The following PAQR4 variants were observed in gnomAD, a reference collection of about 807,000 sequenced individuals.
PAQR4 encodes the protein progestin and adipoQ receptor family member 4, also known as progestin and adipoQ receptor family member IV.
PAQR4 carries 26 observed loss-of-function variants against 20.9 expected under a neutral mutation model. The ratio of observed to expected loss-of-function variants is 1.24; its 90% confidence interval spans 0.91 to 1.73. The LOEUF (loss-of-function observed/expected upper bound fraction) is 1.73. Ranked by LOEUF, PAQR4 falls within the 40% of genes most tolerant of loss-of-function variation. The pLI, the probability that PAQR4 is intolerant of heterozygous loss-of-function variation, is 0.00. For missense variants in PAQR4, 400 were observed against 380.1 expected, an observed-to-expected ratio of 1.05 and a Z score of -0.44; for synonymous variants, 193 against 171.6, an observed-to-expected ratio of 1.12 and a Z score of -0.97.
rs1306282261 is a variant in PAQR4 at position 2,972,726 on chromosome 16, C to A, written c.*778C>A. 6.5e-7 allele frequency: 1 copy of A among 1,536,400 alleles called. No individual in the cohort carries two copies. The highest frequency in any genetic ancestry group is 8.7e-7 in the Non-Finnish European group (1 of 1,146,844). ...AGGCCAGGAGCGCTGGGTTCTGCAGCAGGGCTCAGCCTCAGGGGCGTTAAG... is the reference window on the plus strand; with the variant it reads ...AGGCCAGGAGCGCTGGGTTCTGCAGAAGGGCTCAGCCTCAGGGGCGTTAAG... On this transcript the variant is annotated 3_prime_UTR_variant, in exon 3 of 3. Transcript: ENST00000318782.
chr16:2,971,760 C>T lies in PAQR4; in HGVS notation c.634C>T (p.Leu212=), dbSNP rs753889226. The T allele has an allele frequency of 1.9e-6, 3 of 1,612,994 alleles. No homozygotes were observed. Among genetic ancestry groups the T allele is most frequent in the South Asian group, 2.2e-5 (2 of 91,086 alleles). Residue 212 remains leucine, a synonymous_variant, in exon 3 of 3, where the codon CTG becomes TTG. Coordinates refer to ENST00000318782, the MANE Select transcript of PAQR4 (RefSeq NM_152341.5). ...SLPCYLRMDA[L]ALLGGLVNVA... ...GCCCTGCTACCTGCGCATGGACGCA[C>T]TGGCGCTGCTTGGGGGACTGGTAAA... is the stretch of plus-strand genomic sequence containing the variant.
Position 2,971,212 on chromosome 16 carries a change from G to A in PAQR4, c.222G>A (p.Gln74=), listed in dbSNP as rs751635157. ...TGCCAATGACCATGCCCTGGGGTCAGCTGGGCAAGGATGGCTGGCTGGGAG... is the reference window on the plus strand; with the variant it reads ...TGCCAATGACCATGCCCTGGGGTCAACTGGGCAAGGATGGCTGGCTGGGAG... The part of the protein sequence containing the change: ...VLVPMTMPWG[Q]LGKDGWLGGT... The change falls in exon 2 of 3, where the codon CAG becomes CAA. Residue 74 remains glutamine, a synonymous_variant. Coordinates refer to ENST00000318782, the MANE Select transcript of PAQR4 (RefSeq NM_152341.5). 3 of 1,613,396 alleles carry A rather than the reference G, an allele frequency of 1.9e-6. No homozygotes were observed. The highest frequency in any genetic ancestry group is 1.7e-6 in the Non-Finnish European group (2 of 1,180,012).
At position 2,971,683 on chromosome 16, in the gene PAQR4, T is replaced by G. The variant is rs758065774; in HGVS notation, c.557T>G (p.Leu186Arg). 7 of 1,612,076 alleles carry G rather than the reference T, an allele frequency of 4.3e-6. No individual in the cohort carries two copies. The highest frequency in any genetic ancestry group is 3.4e-6 in the Non-Finnish European group (4 of 1,179,852). ...AFGWQAAARL[L>R]VFGARGVGLG... ...GGATGGCAGGCTGCTGCCCGCCTAC[T>G]GGTATTTGGGGCCCGGGGAGTGGGT... Residue 186 changes from leucine to arginine, a missense_variant, in exon 3 of 3, where the codon CTG becomes CGG. Physicochemically the swap from Leu to Arg is moderately radical, Grantham distance 102. Coordinates refer to ENST00000318782, the MANE Select transcript of PAQR4 (RefSeq NM_152341.5).
rs963480773 is a variant in PAQR4 at position 2,972,231 on chromosome 16, G to A, written c.*283G>A. 4 of 533,158 alleles carry A rather than the reference G, an allele frequency of 7.5e-6. No homozygotes were observed. The highest frequency in any genetic ancestry group is 1.3e-5 in the Non-Finnish European group (4 of 303,632). The allele number at this position is 533,158 out of a possible 1,614,324, so 33.0% of individuals were successfully genotyped here. ...CCTCTTTACCCTCTGTGACCTGTGG[G>A]GTTAGACCAGAGAGGGACTCTGGGG... On this transcript the variant is annotated 3_prime_UTR_variant, in exon 3 of 3. Coordinates refer to ENST00000318782, the MANE Select transcript of PAQR4 (RefSeq NM_152341.5).
Position 2,971,970 on chromosome 16 carries a change from C to G in PAQR4, c.*22C>G, listed in dbSNP as rs746730881. On this transcript the variant is annotated 3_prime_UTR_variant, in exon 3 of 3. Coordinates refer to ENST00000318782, the MANE Select transcript of PAQR4 (RefSeq NM_152341.5). ...CTGAGCTGCCATGCCAGCCTGCCCA[C>G]AGCAGCCTCCTAGAGTTAGCAACAC... The G allele has an allele frequency of 1.3e-6, 2 of 1,556,284 alleles. No homozygotes were observed. Among genetic ancestry groups the G allele is most frequent in the East Asian group, 2.3e-5 (1 of 44,192 alleles).
chr16:2,971,980 C>A lies in PAQR4; in HGVS notation c.*32C>A. 1 of 1,526,784 alleles carries A rather than the reference C, an allele frequency of 6.5e-7. No individual in the cohort carries two copies. The allele number at this position is 1,526,784 out of a possible 1,614,324, so 94.6% of individuals were successfully genotyped here. Reference sequence around the variant, plus strand: ...ATGCCAGCCTGCCCACAGCAGCCTCCTAGAGTTAGCAACACCAGGTGTTCC... The same window carrying A: ...ATGCCAGCCTGCCCACAGCAGCCTCATAGAGTTAGCAACACCAGGTGTTCC... On this transcript the variant is annotated 3_prime_UTR_variant, in exon 3 of 3. Coordinates refer to ENST00000318782, the MANE Select transcript of PAQR4 (RefSeq NM_152341.5).
At chr16:2,969,951 G>GGGGCA in intron 1 of PAQR4, 111 bp downstream of exon 1, 3 of 1,371,252 alleles carry the variant, frequency 2.2e-6, no homozygotes, top group Non-Finnish European at 3.0e-6. Flanking sequence ...GGGCTGCCCC[G>GGGGCA]GCCCTGGCAC....
rs777226428 is a variant in PAQR4, at chr16:2,969,783, G to A, written c.109G>A (p.Gly37Ser). 88 of 1,602,548 alleles carry A rather than the reference G, an allele frequency of 5.5e-5. No individual in the cohort carries two copies. The African/African-American group carries it at 9.3e-4, about 17-fold the overall frequency. Residue 37 changes from glycine to serine, a missense_variant, in exon 1 of 3, where the codon GGC becomes AGC. Gly to Ser is a moderately conservative substitution (Grantham distance 56). Coordinates refer to ENST00000318782, the MANE Select transcript of PAQR4 (RefSeq NM_152341.5). ...GTACCGGCCCGCCAGCAGCGGCTCG[G>A]GCTGCCTGCGCAGCCTCTTCTACCT... Reference protein sequence around the residue: ...TGYRPASSGSGCLRSLFYLHN... With the variant: ...TGYRPASSGSSCLRSLFYLHN...
Position 2,971,246 on chromosome 16 carries a change from T to C in PAQR4, c.256T>C (p.Cys86Arg), listed in dbSNP as rs1319665629. Reference sequence around the variant, plus strand: ...GGATGGCTGGCTGGGAGGCACACATTGCGTGGCCTGCCTTGCACCCCCTGC... The same window carrying C: ...GGATGGCTGGCTGGGAGGCACACATCGCGTGGCCTGCCTTGCACCCCCTGC... ...GKDGWLGGTH[C>R]VACLAPPAGS... The change falls in exon 2 of 3, where the codon TGC (cysteine) becomes CGC (arginine). Residue 86 changes from cysteine (C) to arginine (R), a missense_variant. By Grantham distance (180) the Cys-to-Arg change is radical. Transcript: ENST00000318782. The C allele has an allele frequency of 6.2e-7, 1 of 1,613,196 alleles. No individual in the cohort carries two copies. Among genetic ancestry groups the C allele is most frequent in the East Asian group, 2.2e-5 (1 of 44,888 alleles).
chr16:2,972,492 C>A lies in PAQR4; in HGVS notation c.*544C>A. 2 of 905,772 alleles carry A rather than the reference C, an allele frequency of 2.2e-6. No individual in the cohort carries two copies. Among genetic ancestry groups the A allele is most frequent in the Admixed American group, 2.7e-5 (1 of 37,372 alleles). 56.1% of individuals were successfully genotyped at this position (905,772 alleles called of 1,614,324 possible). The stretch of plus-strand genomic sequence containing the variant: ...AAGGGGGCGTGGACCCGTCTTGTAC[C>A]AGCTGGCCACAGGCACAAGGGCTGC... On this transcript the variant is annotated 3_prime_UTR_variant, in exon 3 of 3. Coordinates refer to ENST00000318782, the MANE Select transcript of PAQR4 (RefSeq NM_152341.5).
At chr16:2,971,437 G>A (rs936555026) in intron 2 of PAQR4, 59 bp downstream of exon 2, 33 of 1,582,592 alleles carry the variant, frequency 2.1e-5, no homozygotes, top group Middle Eastern at 1.7e-4. Context: ...CATGGGGCAC[G>A]CATACAAGCC....
chr16:2,972,737 C>T lies in PAQR4; in HGVS notation c.*789C>T, dbSNP rs115073835. 1,395 of 1,536,842 alleles carry T rather than the reference C, an allele frequency of 9.1e-4. 7 individuals are homozygous for T. The African/African-American group carries it at 0.016, about 17-fold the overall frequency. The stretch of plus-strand genomic sequence containing the variant: ...GCTGGGTTCTGCAGCAGGGCTCAGC[C>T]TCAGGGGCGTTAAGACCCTGGATGA... On this transcript the variant is annotated 3_prime_UTR_variant, in exon 3 of 3. Transcript: ENST00000318782.
Position 2,969,833 on chromosome 16 carries a change from C to G in PAQR4, c.159C>G (p.Tyr53Ter), listed in dbSNP as rs781659850. The change falls in exon 1 of 3, where the codon TAC becomes TAG. Residue 53 changes from tyrosine (Y) to a stop codon, truncating the protein, a stop_gained. Transcript: ENST00000318782. LOFTEE classifies it high-confidence loss of function. ...TGCACAACGAACTGGGCAACATCTA[C>G]ACGCACGGTGAGCCGCGTCCCGCAA... ...FYLHNELGNI[Y>*]THGLALLGFL... 2.1e-5 allele frequency: 34 copies of G among 1,610,398 alleles called. No homozygotes were observed. Among genetic ancestry groups the G allele is most frequent in the Non-Finnish European group, 2.7e-5 (32 of 1,178,874 alleles).
At position 2,971,519 on chromosome 16, in the gene PAQR4, C is replaced by T. The variant is rs766726423; in HGVS notation, c.393C>T (p.Ala131=). 4 of 1,584,476 alleles carry T rather than the reference C, an allele frequency of 2.5e-6. No individual in the cohort carries two copies. In the Admixed American group the frequency reaches 6.7e-5, roughly 27 times the overall value. The part of the protein sequence containing the change: ...CGVCLVNTLG[A]LPIIHCTLAC... Reference sequence around the variant, plus strand: ...CTGTTCTCTCCTCTTGTGCAGGGGCCCTGCCCATCATCCACTGCACCCTGG... The same window carrying T: ...CTGTTCTCTCCTCTTGTGCAGGGGCTCTGCCCATCATCCACTGCACCCTGG... Residue 131 remains alanine, a synonymous_variant, in exon 3 of 3, where the codon GCC becomes GCT. Transcript: ENST00000318782.
In PAQR4 at chr16:2,971,334, T is replaced by A. The variant is rs747897549; in HGVS notation, c.344T>A (p.Leu115His). Reference sequence around the variant, plus strand: ...GGGGGCAGCGCTGTGTACGCCCGGCTCCTCGCCCTGGACATGTGTGGGGTC... The same window carrying A: ...GGGGGCAGCGCTGTGTACGCCCGGCACCTCGCCCTGGACATGTGTGGGGTC... ...HQGGSAVYAR[L>H]LALDMCGVCL... is the part of the protein sequence containing the mutation. The change falls in exon 2 of 3, where the codon CTC becomes CAC. Residue 115 changes from leucine (L) to histidine (H), a missense_variant. Coordinates refer to ENST00000318782, the MANE Select transcript of PAQR4 (RefSeq NM_152341.5). 1.2e-6 allele frequency: 2 copies of A among 1,611,818 alleles called. No individual in the cohort carries two copies. Among genetic ancestry groups the A allele is most frequent in the South Asian group, 2.2e-5 (2 of 91,088 alleles).
chr16:2,972,016 T>C lies in PAQR4; in HGVS notation c.*68T>C. On this transcript the variant is annotated 3_prime_UTR_variant, in exon 3 of 3. Transcript: ENST00000318782. ...AACACCAGGTGTTCCTCCCAACTCG[T>C]CTGCAAGGGGCTGGCTCCTTGGATG... 7.0e-7 allele frequency: 1 copy of C among 1,428,982 alleles called. No homozygotes were observed. Among genetic ancestry groups the C allele is most frequent in the South Asian group, 1.4e-5 (1 of 72,422 alleles). The allele number at this position is 1,428,982 out of a possible 1,614,324, so 88.5% of individuals were successfully genotyped here. A position where few individuals can be genotyped will look rare whatever the true frequency, so the allele number is the denominator to read the frequency against.
Position 2,971,149 on chromosome 16 carries a change from C to G in PAQR4, c.167-8C>G, listed in dbSNP as rs1432233614. ...AACTATCTGGTAGATGACTGTCTCC[C>G]TCCCTAGGGCTGGCCCTGCTGGGCT... On this transcript the variant is annotated splice_polypyrimidine_tract_variant and splice_region_variant and intron_variant, in intron 1 of 2. Coordinates refer to ENST00000318782, the MANE Select transcript of PAQR4 (RefSeq NM_152341.5). The G allele has an allele frequency of 2.5e-6, 4 of 1,612,506 alleles. No individual in the cohort carries two copies. The highest frequency in any genetic ancestry group is 3.4e-6 in the Non-Finnish European group (4 of 1,179,534).
Position 2,972,662 on chromosome 16 carries a change from C to T in PAQR4, c.*714C>T, listed in dbSNP as rs575570373. On this transcript the variant is annotated 3_prime_UTR_variant, in exon 3 of 3. Transcript: ENST00000318782. ...GGGGATGTGCCTGCTCAGGAAACCTCTTTGCTCCACACAGCATGGGGCTTC... is the reference window on the plus strand; with the variant it reads ...GGGGATGTGCCTGCTCAGGAAACCTTTTTGCTCCACACAGCATGGGGCTTC... 6.5e-7 allele frequency: 1 copy of T among 1,535,804 alleles called. No homozygotes were observed. Among genetic ancestry groups the T allele is most frequent in the South Asian group, 1.2e-5 (1 of 84,060 alleles).
chr16:2,972,041 G>A lies in PAQR4; in HGVS notation c.*93G>A. On this transcript the variant is annotated 3_prime_UTR_variant, in exon 3 of 3. Transcript: ENST00000318782. Reference sequence around the variant, plus strand: ...TCTGCAAGGGGCTGGCTCCTTGGATGCTTCCAGCTCATGAGATGTCTCAGC... The same window carrying A: ...TCTGCAAGGGGCTGGCTCCTTGGATACTTCCAGCTCATGAGATGTCTCAGC... The A allele has an allele frequency of 8.0e-7, 1 of 1,255,086 alleles. No individual in the cohort carries two copies. The highest frequency in any genetic ancestry group is 1.1e-6 in the Non-Finnish European group (1 of 928,806). The allele number at this position is 1,255,086 out of a possible 1,614,324, so 77.7% of individuals were successfully genotyped here. A position where few individuals can be genotyped will look rare whatever the true frequency, so the allele number is the denominator to read the frequency against.
Sources: allele counts gnomAD v4.1 joint callset, GRCh38; gene constraint gnomAD v4.1.1; transcripts MANE v1.5; gene names NCBI Gene and HGNC (gene_info 2026-07-23, HGNC 2026-07-21).